RALGPS1: variants seen among roughly 807,000 people sequenced by gnomAD.
RALGPS1 encodes the protein ras-specific guanine nucleotide-releasing factor RalGPS1.
Under a neutral mutation model 78.8 loss-of-function variants are expected in RALGPS1, and 19 were observed. The observed-to-expected ratio is 0.24, with a 90% CI of 0.17 to 0.35. The LOEUF (loss-of-function observed/expected upper bound fraction) is 0.35. RALGPS1 is among the 10% of genes least tolerant of loss of function. The pLI is 1.00. For synonymous variants in RALGPS1, 228 were observed against 256.3 expected, an observed-to-expected ratio of 0.89 and a Z score of 1.06; for missense variants, 454 against 688.3, an observed-to-expected ratio of 0.66 and a Z score of 3.81.
intron 10 of RALGPS1, among the ~76,000 whole-genome samples, chr9:127,172,106 C>T (rs896162712): frequency 1.3e-5 from 2 of 152,160 alleles, no homozygotes; most frequent in South Asian, 2.1e-4. Flanking sequence ...AATTTAGCTG[C>T]GTTTCATCAG....
intron 8 of RALGPS1, among the ~76,000 whole-genome samples, chr9:127,148,377 C>G (rs1284182376): frequency 6.6e-6 from 1 of 152,168 alleles, no homozygotes; most frequent in African/African-American, 2.4e-5. Flanking sequence ...ATTGTCAGGC[C>G]CATAAGGGGA....
intron 1 of RALGPS1, among the ~76,000 whole-genome samples, chr9:126,936,916 T>G (rs1182057658): frequency 6.6e-6 from 1 of 151,732 alleles, no homozygotes; most frequent in Non-Finnish European, 1.5e-5. Context: ...GGCATGATAC[T>G]GTCTCACGAA....
rs1157142806 is a variant in RALGPS1 at position 127,183,822 on chromosome 9, T to C, written c.910+9040T>C. 6.0e-6 allele frequency: 9 copies of C among 1,510,802 alleles called. No individual in the cohort carries two copies. In the East Asian group the frequency reaches 1.7e-4, roughly 29 times the overall value. 93.6% of individuals were successfully genotyped at this position (1,510,802 alleles called of 1,614,324 possible). On this transcript the variant is annotated intron_variant, in intron 11 of 18. Transcript: ENST00000259351. The surrounding 1 kb of genome is among the most constrained non-coding windows in gnomAD (Gnocchi z 4.0). ...GAGGACCTCAGGGATAGGAGGCCAG[T>C]TGTGGCCCATTACTCTGGGATTTCA...
At chr9:126,919,769 C>T (rs1321462200) in intron 1 of RALGPS1, among the ~76,000 whole-genome samples, 2 of 152,134 alleles carry the variant, frequency 1.3e-5, no homozygotes, top group Admixed American at 1.3e-4. Context: ...AAGGGTGAGC[C>T]ATGGAGAATA....
intron 7 of RALGPS1, among the ~76,000 whole-genome samples, chr9:127,057,606 G>C (rs1589247054): frequency 6.6e-6 from 1 of 152,200 alleles, no homozygotes; most frequent in East Asian, 1.9e-4. Flanking sequence ...AATGCAGATG[G>C]GTAATGATTT....
At chr9:126,950,634 C>T (rs1355976726) in intron 1 of RALGPS1, among the ~76,000 whole-genome samples, 1 of 151,864 alleles carries the variant, frequency 6.6e-6, no homozygotes, top group Admixed American at 6.6e-5. Flanking sequence ...AAAGACACAA[C>T]ATACCAGAAT....
At chr9:127,196,339 C>G (rs971619669) in intron 12 of RALGPS1, 135 bp from the exon 13 acceptor site, 2 of 949,080 alleles carry the variant, frequency 2.1e-6, no homozygotes, top group African/African-American at 3.3e-5. Context: ...GAGGACAGAG[C>G]CTGGGCTGTA....
chr9:127,158,839 C>T (rs1055103671), intron 8 of RALGPS1, among the ~76,000 whole-genome samples: 1 of 149,524 alleles, frequency 6.7e-6, no homozygotes, highest in African/African-American at 2.5e-5. Flanking sequence ...ATTTTTTCAT[C>T]TCAGAATTAA....
intron 1 of RALGPS1, among the ~76,000 whole-genome samples, chr9:126,953,114 C>T (rs1411096894): frequency 2.0e-5 from 3 of 152,156 alleles, no homozygotes; most frequent in East Asian, 1.9e-4. Flanking sequence ...GAACCTGAAA[C>T]GTTGAAGGAG....
At chr9:127,163,815 C>T (rs920809434) in intron 8 of RALGPS1, among the ~76,000 whole-genome samples, 1 of 152,210 alleles carries the variant, frequency 6.6e-6, no homozygotes, top group Non-Finnish European at 1.5e-5. Context: ...TGCACAAACC[C>T]TCACAACTTT....
chr9:127,169,043 AG>A (rs1204386164), intron 10 of RALGPS1, among the ~76,000 whole-genome samples: 2 of 152,176 alleles, frequency 1.3e-5, no homozygotes, highest in African/African-American at 2.4e-5. Context: ...GTTCAGAGTA[AG>A]GTGTTGTGTT....
intron 5 of RALGPS1, among the ~76,000 whole-genome samples, chr9:127,038,899 T>C (rs1479268443): frequency 6.6e-6 from 1 of 152,112 alleles, no homozygotes. Flanking sequence ...TGATTGGTTA[T>C]GGAGGGAAAT....
chr9:127,106,058 C>G (rs1485291182), intron 8 of RALGPS1, among the ~76,000 whole-genome samples: 1 of 152,210 alleles, frequency 6.6e-6, no homozygotes, highest in African/African-American at 2.4e-5. Context: ...AGGGGTAGAG[C>G]ATGGATGCAA....
chr9:127,181,958 C>G (rs1278776945), intron 11 of RALGPS1, among the ~76,000 whole-genome samples: 1 of 151,904 alleles, frequency 6.6e-6, no homozygotes, highest in Admixed American at 6.6e-5. Flanking sequence ...GGCCTCCTAT[C>G]CCTGGAGCTC....
Position 127,178,787 on chromosome 9 carries a change from C to T in RALGPS1, c.910+4005C>T, listed in dbSNP as rs554665111. On this transcript the variant is annotated intron_variant, in intron 11 of 18. Transcript: ENST00000259351. Reference sequence around the variant, plus strand: ...GACAAAGACCCTGTGGCCTGCAGAGCGTGAACTATTTACTATCTGGCTTTT... The same window carrying T: ...GACAAAGACCCTGTGGCCTGCAGAGTGTGAACTATTTACTATCTGGCTTTT... Among the ~76,000 whole-genome samples, 7 of 152,340 alleles carry T rather than the reference C, an allele frequency of 4.6e-5. No homozygotes were observed. In the East Asian group the frequency reaches 7.7e-4, roughly 17 times the overall value.
Position 127,091,812 on chromosome 9 carries a change from T to A in RALGPS1, c.610+22456T>A. The A allele has an allele frequency of 6.2e-7, 1 of 1,614,172 alleles. No individual in the cohort carries two copies. The highest frequency in any genetic ancestry group is 1.3e-5 in the African/African-American group (1 of 75,022). ...CAGGTTCCAGGCGGAAACTGGCGTA[T>A]TCTGCAAAGACTTTGCGGCCGGACC... On this transcript the variant is annotated intron_variant, in intron 8 of 18. Transcript: ENST00000259351. This position sits in a 1 kb window ranked among gnomAD's most constrained non-coding sequence, Gnocchi z 4.3.
chr9:126,921,495 C>T (rs889744146), intron 1 of RALGPS1, among the ~76,000 whole-genome samples: 2 of 152,238 alleles, frequency 1.3e-5, no homozygotes, highest in African/African-American at 2.4e-5. Flanking sequence ...TGCTGAGGAG[C>T]GCAGAGACCT....
chr9:127,109,882 T>G (rs2054622922), intron 8 of RALGPS1, among the ~76,000 whole-genome samples: 1 of 152,130 alleles, frequency 6.6e-6, no homozygotes, highest in Non-Finnish European at 1.5e-5. Context: ...CACTGACCCT[T>G]GAGGAATGAG....
intron 7 of RALGPS1, among the ~76,000 whole-genome samples, chr9:127,058,985 T>C (rs1178179405): frequency 6.6e-6 from 1 of 152,114 alleles, no homozygotes; most frequent in Non-Finnish European, 1.5e-5. Context: ...GGTGGTGACC[T>C]GGGAGGGGAA....
Sources: gnomAD v4.1 joint callset for allele counts (sites outside exome capture counted in the v4.1 genomes callset) on GRCh38, gnomAD v4.1.1 for gene constraint, Gnocchi (gnomAD v3.1) non-coding constraint, MANE v1.5 for transcripts, NCBI Gene and HGNC (gene_info 2026-07-23, HGNC 2026-07-21) for gene names.